GORASP2: variants seen among roughly 807,000 people sequenced by gnomAD.
GORASP2 encodes the protein golgi reassembly stacking protein 2.
A neutral mutation model predicts 45.7 loss-of-function variants in GORASP2; 22 were observed. That is an observed-to-expected ratio of 0.48 (90% confidence interval 0.34 to 0.69). GORASP2 has a LOEUF of 0.69. GORASP2 is among the 30% of genes least tolerant of loss of function. The probability of loss-of-function intolerance (pLI) is 0.01; values close to 1 mark genes in which losing one functional copy is unlikely to be tolerated. For missense variants in GORASP2, 491 were observed against 562.7 expected (o/e 0.87, Z 1.29); for synonymous variants, 221 against 215.6 (o/e 1.02, Z -0.22).
chr2:170,955,823 G>A (rs939964083), intron 6 of GORASP2, among the ~76,000 whole-genome samples: 1 of 152,182 alleles, frequency 6.6e-6, no homozygotes, highest in Non-Finnish European at 1.5e-5. Flanking sequence ...AGGTTGTCTC[G>A]GAATGTACTG....
At chr2:170,957,338 A>G (rs770330160) in intron 7 of GORASP2, among the ~76,000 whole-genome samples, 4 of 151,534 alleles carry the variant, frequency 2.6e-5, no homozygotes, top group Non-Finnish European at 5.9e-5. Context: ...GTACAATGGC[A>G]TGGTCTTGGC....
At chr2:170,933,738 T>C (rs1703880468) in intron 1 of GORASP2, among the ~76,000 whole-genome samples, 1 of 152,196 alleles carries the variant, frequency 6.6e-6, no homozygotes, top group South Asian at 2.1e-4. Flanking sequence ...GAGGGCATAC[T>C]TTCTGGAGCA....
chr2:170,959,684 G>A (rs890083980), intron 7 of GORASP2, among the ~76,000 whole-genome samples: 13 of 152,126 alleles, frequency 8.5e-5, no homozygotes, highest in Non-Finnish European at 1.6e-4. Context: ...AGTAACTATA[G>A]AGAAATAAAA....
chr2:170,950,624 C>G (rs997358603), intron 4 of GORASP2, among the ~76,000 whole-genome samples: 2 of 152,150 alleles, frequency 1.3e-5, no homozygotes, highest in African/African-American at 4.8e-5. Context: ...ACAGCATTAG[C>G]TCAGCTATAT....
chr2:170,945,275 A>T (rs1405932105), intron 1 of GORASP2, among the ~76,000 whole-genome samples: 1 of 152,306 alleles, frequency 6.6e-6, no homozygotes, highest in East Asian at 1.9e-4. Context: ...TGCATTGGCA[A>T]CATAGCAAGA....
At position 170,945,515 on chromosome 2, in the gene GORASP2, AG is replaced by A. The variant is rs1188726302; in HGVS notation, c.64-2834del. ...GGACCTTGTCTCAAAAAAAAAAAAAAGAAGAAGAAGAAGAAACTGAACACCT... is the reference window on the plus strand; with the variant it reads ...GGACCTTGTCTCAAAAAAAAAAAAAAAAGAAGAAGAAGAAACTGAACACCT... On this transcript the variant is annotated intron_variant, in intron 1 of 9. Coordinates refer to ENST00000234160, the MANE Select transcript of GORASP2 (RefSeq NM_015530.5). 6.7e-4 allele frequency among the ~76,000 whole-genome samples: 95 copies of A among 141,976 alleles called. 1 individual carries two copies. Among genetic ancestry groups the A allele is most frequent in the Non-Finnish European group, 7.6e-4 (51 of 66,856 alleles). The allele number at this position is 141,976 out of a possible 152,430, so 93.1% of individuals were successfully genotyped here. A position where few individuals can be genotyped will look rare whatever the true frequency, so the allele number is the denominator to read the frequency against.
intron 3 of GORASP2, 180 bp from the exon 4 acceptor site, chr2:170,950,024 T>C (rs1268285059): frequency 1.9e-6 from 1 of 530,408 alleles, no homozygotes; most frequent in East Asian, 3.1e-5. Flanking sequence ...TGTTAAATAT[T>C]ATGTAATTTT....
intron 3 of GORASP2, 76 bp from the exon 4 acceptor site, chr2:170,950,124 ATAAT>A: frequency 1.4e-6 from 1 of 693,942 alleles, no homozygotes; most frequent in East Asian, 3.0e-5. Context: ...AAAAATCAAC[ATAAT>A]TAAAAATTGG....
chr2:170,952,064 G>A (rs1288264087), intron 5 of GORASP2, among the ~76,000 whole-genome samples: 1 of 152,168 alleles, frequency 6.6e-6, no homozygotes, highest in Non-Finnish European at 1.5e-5. Context: ...ATTACAAGAG[G>A]CACTTCCTCA....
intron 1 of GORASP2, among the ~76,000 whole-genome samples, chr2:170,944,312 G>T (rs928525361): frequency 1.3e-5 from 2 of 152,006 alleles, no homozygotes; most frequent in African/African-American, 4.8e-5. Context: ...GGTATATGAG[G>T]GTCAAAGAGA....
chr2:170,960,038 C>G (rs910871993), intron 7 of GORASP2, among the ~76,000 whole-genome samples: 1 of 152,086 alleles, frequency 6.6e-6, no homozygotes, highest in Non-Finnish European at 1.5e-5. Context: ...CCAAGCTGGT[C>G]TTGAACCCCT....
Position 170,939,198 on chromosome 2 carries a change from A to G in GORASP2, c.64-9152A>G, listed in dbSNP as rs376121191. Among the ~76,000 whole-genome samples, 6 of 152,334 alleles carry G rather than the reference A, an allele frequency of 3.9e-5. No homozygotes were observed. The East Asian group carries it at 9.6e-4, about 24-fold the overall frequency. On this transcript the variant is annotated intron_variant, in intron 1 of 9. Coordinates refer to ENST00000234160, the MANE Select transcript of GORASP2 (RefSeq NM_015530.5). Reference sequence around the variant, plus strand: ...ATGTACAGATCTTTTCTGGAAAACTATTATGCAATAATGGGTTTTTATTTC... The same window carrying G: ...ATGTACAGATCTTTTCTGGAAAACTGTTATGCAATAATGGGTTTTTATTTC...
In GORASP2 at chr2:170,951,579, AAAAG is replaced by A. The variant is rs542444686; in HGVS notation, c.566+122_566+125del. 401 of 793,018 alleles carry A rather than the reference AAAAG, an allele frequency of 5.1e-4. 2 individuals are homozygous for A. The highest frequency in any genetic ancestry group is 2.3e-3 in the South Asian group (111 of 49,240). 49.1% of individuals were successfully genotyped at this position (793,018 alleles called of 1,614,324 possible). A position where few individuals can be genotyped will look rare whatever the true frequency, so the allele number is the denominator to read the frequency against. ...GTTTATTTTAAGACTCCTCTTAAAA[AAAAG>A]GGAAGAGCTAGTCTAGAATATTGAA... On this transcript the variant is annotated intron_variant, in intron 5 of 9. Coordinates refer to ENST00000234160, the MANE Select transcript of GORASP2 (RefSeq NM_015530.5).
intron 1 of GORASP2, among the ~76,000 whole-genome samples, chr2:170,940,641 CT>C (rs78088107): frequency 4.0e-3 from 548 of 138,018 alleles, no homozygotes; most frequent in Admixed American, 4.0e-3. Context: ...AAGTGAATTG[CT>C]TTTTTTTTTT....
In GORASP2 at chr2:170,956,515, C is replaced by A; in HGVS notation, c.779C>A (p.Ser260Tyr). The change falls in exon 7 of 10, where the codon TCT becomes TAT. Residue 260 changes from serine (S) to tyrosine (Y), a missense_variant. Ser to Tyr is a moderately radical substitution (Grantham distance 144, BLOSUM62 -2). Transcript: ENST00000234160. The part of the protein sequence containing the change: ...TGIEQSLTGL[S>Y]ISSTPPAVSS... ...ATTGAACAGAGTCTGACTGGACTTT[C>A]TATTAGCTCAACTCCACCAGCTGTC... is the stretch of plus-strand genomic sequence containing the variant. The A allele has an allele frequency of 1.9e-6, 3 of 1,613,188 alleles. No homozygotes were observed. The highest frequency in any genetic ancestry group is 2.5e-6 in the Non-Finnish European group (3 of 1,179,312).
At chr2:170,962,775 C>T (rs1053249181) in intron 8 of GORASP2, 64 bp from the exon 9 acceptor site, 31 of 1,084,992 alleles carry the variant, frequency 2.9e-5, no homozygotes, top group African/African-American at 2.8e-4. Context: ...TTTTAATACA[C>T]GAGGATTTAT....
chr2:170,929,185 T>A (rs1703750012), upstream of GORASP2: 5 of 505,938 alleles, frequency 9.9e-6, no homozygotes, highest in Admixed American at 4.4e-5. Context: ...CGGCCCGGGC[T>A]GCAGCAGAGA....
Position 170,967,074 on chromosome 2 carries a change from C to T in GORASP2, c.*944C>T, listed in dbSNP as rs539212453. 6.6e-6 allele frequency: 1 copy of T among 152,330 alleles called. No individual in the cohort carries two copies. The highest frequency in any genetic ancestry group is 6.5e-5 in the Admixed American group (1 of 15,306). 9.4% of individuals were successfully genotyped at this position (152,330 alleles called of 1,614,324 possible). The stretch of plus-strand genomic sequence containing the variant: ...CCATTTTTAAGAGATGGTAAGTTAA[C>T]TGGAATTGATTTACTGAATGAAATT... On this transcript the variant is annotated 3_prime_UTR_variant, in exon 10 of 10. Transcript: ENST00000234160.
chr2:170,940,066 A>C (rs1185055916), intron 1 of GORASP2, among the ~76,000 whole-genome samples: 1 of 152,194 alleles, frequency 6.6e-6, no homozygotes, highest in Non-Finnish European at 1.5e-5. Flanking sequence ...TATGTGTGGA[A>C]AAGGAATATA....
Sources: allele counts gnomAD v4.1 joint callset (sites outside exome capture counted in the v4.1 genomes callset), GRCh38; gene constraint gnomAD v4.1.1; transcripts MANE v1.5; gene names NCBI Gene and HGNC (gene_info 2026-07-23, HGNC 2026-07-21).